NEK11: variants seen among roughly 807,000 people sequenced by gnomAD.
NEK11 encodes the protein NIMA related kinase 11.
In NEK11, 72 loss-of-function variants were observed where a neutral mutation model predicts 80.7. The ratio of observed to expected loss-of-function variants is 0.89; its 90% CI spans 0.74 to 1.08. NEK11 has a LOEUF of 1.08. Ranked by LOEUF, NEK11 falls within the 50% of genes least tolerant of loss-of-function variation. The probability of loss-of-function intolerance (pLI) is 0.00; values close to 1 mark genes in which losing one functional copy is unlikely to be tolerated. For synonymous variants in NEK11, 251 were observed against 260.7 expected, an observed-to-expected ratio of 0.96 and a Z score of 0.36; for missense variants, 764 against 763.6, an observed-to-expected ratio of 1.00 and a Z score of -0.01.
chr3:131,191,897 G>T (rs76545180), intron 14 of NEK11, among the ~76,000 whole-genome samples: 39 of 152,174 alleles, frequency 2.6e-4, no homozygotes, highest in South Asian at 4.2e-4. Context: ...GTAATTTATT[G>T]ATATGACACC....
chr3:131,163,304 A>G (rs976296248), intron 11 of NEK11, among the ~76,000 whole-genome samples: 2 of 152,224 alleles, frequency 1.3e-5, no homozygotes, highest in Admixed American at 6.5e-5. Flanking sequence ...TCATTGCAGA[A>G]TTATTCACAG....
intron 17 of NEK11, among the ~76,000 whole-genome samples, chr3:131,318,572 C>T (rs1255649948): frequency 6.6e-6 from 1 of 151,902 alleles, no homozygotes; most frequent in African/African-American, 2.4e-5. Flanking sequence ...ACATATATCT[C>T]TGCAAATGCA....
At chr3:131,157,045 C>CA (rs1379972364) in intron 10 of NEK11, among the ~76,000 whole-genome samples, 1 of 151,386 alleles carries the variant, frequency 6.6e-6, no homozygotes, top group African/African-American at 2.4e-5. Flanking sequence ...TTCAATGGGA[C>CA]ACCAAAACTC....
At chr3:131,250,975 ATTT>A (rs1165685412) in intron 16 of NEK11, among the ~76,000 whole-genome samples, 1 of 151,932 alleles carries the variant, frequency 6.6e-6, no homozygotes, top group East Asian at 1.9e-4. Context: ...AGTCATAATA[ATTT>A]TTTTTAAATG....
intron 7 of NEK11, among the ~76,000 whole-genome samples, chr3:131,141,496 T>C (rs539421373): frequency 3.9e-5 from 6 of 152,320 alleles, no homozygotes; most frequent in African/African-American, 7.2e-5. Context: ...AAGAACCATT[T>C]GGCCAGGGCC....
chr3:131,165,548 A>G (rs2092129210), intron 12 of NEK11, 29 bp downstream of exon 12: 2 of 1,467,526 alleles, frequency 1.4e-6, no homozygotes, highest in South Asian at 2.4e-5. Flanking sequence ...TAAATTTTAC[A>G]TAAAAATTTT....
intron 14 of NEK11, among the ~76,000 whole-genome samples, chr3:131,205,387 C>T (rs376934712): frequency 1.2e-3 from 189 of 152,146 alleles, no homozygotes; most frequent in African/African-American, 4.4e-3. Context: ...TTAGAGGAAC[C>T]ACAAACAGGT....
At chr3:131,184,997 C>T (rs1358343403) in intron 14 of NEK11, among the ~76,000 whole-genome samples, 1 of 152,188 alleles carries the variant, frequency 6.6e-6, no homozygotes, top group East Asian at 1.9e-4. Context: ...TGGGATGTGT[C>T]CTGCCTAAGA....
chr3:131,343,434 A>G (rs1164635172), intron 17 of NEK11, among the ~76,000 whole-genome samples: 1 of 152,176 alleles, frequency 6.6e-6, no homozygotes, highest in African/African-American at 2.4e-5. Flanking sequence ...TACTGGGAAA[A>G]TGGAATGTTT....
intron 14 of NEK11, among the ~76,000 whole-genome samples, chr3:131,180,661 A>G (rs945967024): frequency 2.0e-5 from 3 of 152,198 alleles, no homozygotes; most frequent in African/African-American, 7.2e-5. Context: ...ACAATTGAGA[A>G]ATATCATATT....
Position 131,080,566 on chromosome 3 carries a change from G to A in NEK11, c.314G>A (p.Cys105Tyr). The change falls in exon 4 of 18, where the codon TGC (cysteine) becomes TAC (tyrosine). Residue 105 changes from cysteine to tyrosine, a missense_variant. Transcript: ENST00000383366. ...HASFVEQDNF[C>Y]IITEYCEGRD... ...AGTTTTGTGGAGCAAGATAATTTCT[G>A]CATTATCACGGAGTACTGTGAGGTG... 6.2e-7 allele frequency: 1 copy of A among 1,612,874 alleles called. No individual in the cohort carries two copies. Among genetic ancestry groups the A allele is most frequent in the Non-Finnish European group, 8.5e-7 (1 of 1,179,718 alleles).
At chr3:131,181,573 C>T (rs991419142) in intron 14 of NEK11, among the ~76,000 whole-genome samples, 1 of 151,862 alleles carries the variant, frequency 6.6e-6, no homozygotes, top group Non-Finnish European at 1.5e-5. Flanking sequence ...GATGAAACCC[C>T]ATCTCTACTA....
intron 14 of NEK11, among the ~76,000 whole-genome samples, chr3:131,200,600 G>A (rs2094191197): frequency 6.6e-6 from 1 of 152,110 alleles, no homozygotes; most frequent in Non-Finnish European, 1.5e-5. Context: ...ACTTGTCTTT[G>A]TTTTATCTGA....
chr3:131,329,145 A>C (rs1418388241), intron 17 of NEK11: 1 of 152,240 alleles, frequency 6.6e-6, no homozygotes. Flanking sequence ...ATGATTGTGC[A>C]GGCCCCATAA....
At chr3:131,243,559 G>C in intron 16 of NEK11, 63 bp downstream of exon 16, 2 of 1,388,768 alleles carry the variant, frequency 1.4e-6, no homozygotes, top group Non-Finnish European at 2.0e-6. Context: ...GGAATAACTT[G>C]GAAGAAATCT....
chr3:131,156,631 G>T (rs2090684351), intron 10 of NEK11, among the ~76,000 whole-genome samples: 1 of 152,072 alleles, frequency 6.6e-6, no homozygotes, highest in Admixed American at 6.5e-5. Context: ...GTGGTTAATT[G>T]CACAGATTAA....
chr3:131,328,927 T>C (rs2097023552), intron 17 of NEK11: 1 of 152,190 alleles, frequency 6.6e-6, no homozygotes, highest in Admixed American at 6.5e-5. Flanking sequence ...TCTGGAGTCG[T>C]CCTCAGAGGA....
chr3:131,055,472 A>T (rs1259132210), intron 3 of NEK11, among the ~76,000 whole-genome samples: 1 of 152,142 alleles, frequency 6.6e-6, no homozygotes, highest in African/African-American at 2.4e-5. Flanking sequence ...ATGGTGGCTC[A>T]CTCCTGTATT....
At chr3:131,240,062 T>C (rs2095497782) in intron 15 of NEK11, among the ~76,000 whole-genome samples, 1 of 152,176 alleles carries the variant, frequency 6.6e-6, no homozygotes, top group Admixed American at 6.6e-5. Flanking sequence ...AACCAAATCA[T>C]TTATCTATTG....
Sources: allele counts gnomAD v4.1 joint callset (sites outside exome capture counted in the v4.1 genomes callset), GRCh38; gene constraint gnomAD v4.1.1; transcripts MANE v1.5; gene names NCBI Gene and HGNC (gene_info 2026-07-23, HGNC 2026-07-21).